Variants in CAMK2D observed in about 807,000 individuals in gnomAD.
CAMK2D encodes calcium/calmodulin-dependent protein kinase type II subunit delta.
CAMK2D carries 37 observed loss-of-function variants against 84.0 expected under a neutral mutation model. The observed-to-expected ratio is 0.44, with a 90% confidence interval of 0.34 to 0.58. The LOEUF (loss-of-function observed/expected upper bound fraction) is 0.58. CAMK2D is among the 20% of genes least tolerant of loss of function. CAMK2D has a pLI of 0.02. For missense variants in CAMK2D, 448 were observed against 652.5 expected, an observed-to-expected ratio of 0.69 and a Z score of 3.41; for synonymous variants, 202 against 212.5, an observed-to-expected ratio of 0.95 and a Z score of 0.43.
At chr4:113,552,811 T>A (rs1384956375) in intron 4 of CAMK2D, among the ~76,000 whole-genome samples, 1 of 152,154 alleles carries the variant, frequency 6.6e-6, no homozygotes, top group Admixed American at 6.5e-5. Flanking sequence ...AGTACCCACA[T>A]TTAAAATTTT....
chr4:113,565,710 G>A (rs1426429803), intron 4 of CAMK2D, among the ~76,000 whole-genome samples: 1 of 150,196 alleles, frequency 6.7e-6, no homozygotes, highest in Non-Finnish European at 1.5e-5. Flanking sequence ...ACGTGTGCAA[G>A]ATAAGATGCC....
chr4:113,661,862 G>A (rs1356200305), intron 2 of CAMK2D, 90 bp from the exon 3 acceptor site: 1 of 626,804 alleles, frequency 1.6e-6, no homozygotes, highest in Non-Finnish European at 2.9e-6. Context: ...AAAGGCCTTT[G>A]CATTTACTTA....
intron 2 of CAMK2D, chr4:113,679,465 C>T (rs995500662): frequency 3.1e-6 from 3 of 976,360 alleles, no homozygotes; most frequent in African/African-American, 1.8e-5. Context: ...TATATTCCAG[C>T]CACATATTCT....
intron 4 of CAMK2D, among the ~76,000 whole-genome samples, chr4:113,558,177 G>C (rs1359423343): frequency 6.6e-6 from 1 of 152,152 alleles, no homozygotes; most frequent in Non-Finnish European, 1.5e-5. Flanking sequence ...TCACAATGTA[G>C]TTAAACCACA....
chr4:113,523,893 A>G (rs2098395344), intron 8 of CAMK2D, among the ~76,000 whole-genome samples: 1 of 151,920 alleles, frequency 6.6e-6, no homozygotes, highest in Admixed American at 6.6e-5. Context: ...ACAGGGTCTC[A>G]CTCTTTTTCA....
chr4:113,561,021 G>A (rs1014100853), intron 4 of CAMK2D, among the ~76,000 whole-genome samples: 1 of 152,102 alleles, frequency 6.6e-6, no homozygotes, highest in Non-Finnish European at 1.5e-5. Flanking sequence ...GAGTTGGCCA[G>A]GAAGAAATGT....
rs1400694221 is a variant in CAMK2D, at chr4:113,745,494, TG to T, written c.160+13825del. Among the ~76,000 whole-genome samples the T allele has an allele frequency of 2.0e-5, 3 of 152,350 alleles. No homozygotes were observed. In the East Asian group the frequency reaches 5.8e-4, roughly 29 times the overall value. ...TCATCAAACCAGTTTGTAAGTTTTTTGTGGGAACTGGTCATATGTTATTATC... is the reference window on the plus strand; with the variant it reads ...TCATCAAACCAGTTTGTAAGTTTTTTTGGGAACTGGTCATATGTTATTATC... On this transcript the variant is annotated intron_variant, in intron 2 of 20. Transcript: ENST00000511664.
chr4:113,658,785 A>G (rs1053102756), intron 3 of CAMK2D, among the ~76,000 whole-genome samples: 11 of 152,204 alleles, frequency 7.2e-5, no homozygotes, highest in African/African-American at 1.2e-4. Context: ...TAATCCATCT[A>G]TGACTTATAC....
At chr4:113,600,645 T>C (rs1054968107) in intron 4 of CAMK2D, among the ~76,000 whole-genome samples, 3 of 152,164 alleles carry the variant, frequency 2.0e-5, no homozygotes, top group African/African-American at 7.2e-5. Context: ...TTACCATTTT[T>C]ATTTTAAATT....
At chr4:113,743,645 T>C (rs1412848398) in intron 2 of CAMK2D, among the ~76,000 whole-genome samples, 1 of 152,170 alleles carries the variant, frequency 6.6e-6, no homozygotes, top group Non-Finnish European at 1.5e-5. Context: ...TATCTCTTAT[T>C]CTCACTCATG....
intron 4 of CAMK2D, among the ~76,000 whole-genome samples, chr4:113,581,019 G>A (rs1047385384): frequency 1.3e-5 from 2 of 151,942 alleles, no homozygotes; most frequent in South Asian, 2.1e-4. Context: ...TATGGTACAC[G>A]TCCACCTATG....
At chr4:113,735,721 G>A (rs1335256231) in intron 2 of CAMK2D, among the ~76,000 whole-genome samples, 1 of 151,996 alleles carries the variant, frequency 6.6e-6, no homozygotes, top group East Asian at 1.9e-4. Flanking sequence ...AAACAGTAAG[G>A]TGGCTCAGAA....
chr4:113,720,782 T>C (rs1269472397), intron 2 of CAMK2D, among the ~76,000 whole-genome samples: 1 of 152,100 alleles, frequency 6.6e-6, no homozygotes, highest in Non-Finnish European at 1.5e-5. Context: ...TCAAAATAAC[T>C]GGCATATTCT....
At chr4:113,577,742 G>A (rs1353374992) in intron 4 of CAMK2D, among the ~76,000 whole-genome samples, 1 of 136,838 alleles carries the variant, frequency 7.3e-6, no homozygotes, top group African/African-American at 2.7e-5. Context: ...TTTCCTTTGG[G>A]CTCTTCGTAT....
chr4:113,679,355 C>G (rs556993813), intron 2 of CAMK2D: 314 of 479,348 alleles, frequency 6.6e-4, no homozygotes, highest in Non-Finnish European at 8.0e-4. Context: ...AATTTAGACT[C>G]TTATCCTCTT....
chr4:113,619,728 G>A (rs1308125429), intron 3 of CAMK2D, among the ~76,000 whole-genome samples: 1 of 151,832 alleles, frequency 6.6e-6, no homozygotes, highest in Non-Finnish European at 1.5e-5. Flanking sequence ...TTTTTTTTTG[G>A]AACATAGCCA....
chr4:113,615,143 TA>T (rs1206131750), intron 3 of CAMK2D, among the ~76,000 whole-genome samples: 1 of 152,162 alleles, frequency 6.6e-6, no homozygotes, highest in Non-Finnish European at 1.5e-5. Flanking sequence ...ATCCTTTTTA[TA>T]TTCCCATCAG....
chr4:113,602,731 G>C (rs2098958402), intron 4 of CAMK2D, among the ~76,000 whole-genome samples: 1 of 152,072 alleles, frequency 6.6e-6, no homozygotes, highest in Admixed American at 6.5e-5. Context: ...CCACCCTTTT[G>C]AGTTACTCAT....
At position 113,552,098 on chromosome 4, in the gene CAMK2D, T is replaced by C; in HGVS notation, c.276-2A>G. 6.5e-7 allele frequency: 1 copy of C among 1,546,276 alleles called. No homozygotes were observed. Among genetic ancestry groups the C allele is most frequent in the Non-Finnish European group, 8.9e-7 (1 of 1,126,052 alleles). ...TCAAACAGTTCACCTCCAGTAACTC[T>C]GGGAAGATAAAAAACATAATCACTT... On this transcript the variant is annotated splice_acceptor_variant, in intron 4 of 20. Coordinates refer to ENST00000511664, the MANE Select transcript of CAMK2D (RefSeq NM_001321571.2). LOFTEE classifies it high-confidence loss of function.
Sources: gnomAD v4.1 joint callset for allele counts (sites outside exome capture counted in the v4.1 genomes callset) on GRCh38, gnomAD v4.1.1 for gene constraint, MANE v1.5 for transcripts, NCBI Gene and HGNC (gene_info 2026-07-23, HGNC 2026-07-21) for gene names.